The following TDRD9 variants were observed in gnomAD, a reference collection of about 807,000 sequenced individuals.
The protein encoded by TDRD9 is ATP-dependent RNA helicase TDRD9.
Under a neutral mutation model 172.6 loss-of-function variants are expected in TDRD9, and 124 were observed. The observed-to-expected ratio is 0.72, with a 90% CI of 0.62 to 0.83. The LOEUF is 0.83. Ranked by LOEUF, TDRD9 falls within the 40% of genes least tolerant of loss-of-function variation. The pLI is 0.00. For synonymous variants in TDRD9, 619 were observed against 617.1 expected (o/e 1.00, Z -0.05); for missense variants, 1,479 against 1,714.1 (o/e 0.86, Z 2.42).
chr14:104,033,611 A>T (rs1284273102), intron 30 of TDRD9, among the ~76,000 whole-genome samples: 1 of 152,134 alleles, frequency 6.6e-6, no homozygotes, highest in Admixed American at 6.5e-5. Flanking sequence ...CTCTGCCAGG[A>T]TGCAGGTGAT....
At chr14:104,040,449 C>T in intron 33 of TDRD9, 115 bp downstream of exon 33, 1 of 1,157,706 alleles carries the variant, frequency 8.6e-7, no homozygotes, top group Non-Finnish European at 1.1e-6. Context: ...CACCTCTGGT[C>T]CTGGAGATGT....
chr14:103,993,004 T>C (rs1010354194), intron 9 of TDRD9, among the ~76,000 whole-genome samples: 1 of 151,586 alleles, frequency 6.6e-6, no homozygotes. Flanking sequence ...AGGGTCTTGC[T>C]GTGTTCCCCA....
chr14:104,034,137 A>G (rs2035371659), intron 31 of TDRD9, 68 bp downstream of exon 31: 1 of 921,848 alleles, frequency 1.1e-6, no homozygotes, highest in Admixed American at 2.0e-5. Context: ...GCTACTAGGA[A>G]CAACTTATCC....
chr14:103,985,736 T>TA lies in TDRD9; in HGVS notation c.1012-480dup, dbSNP rs199993707. 1.9e-3 allele frequency among the ~76,000 whole-genome samples: 287 copies of TA among 152,354 alleles called. 1 individual carries two copies. Among genetic ancestry groups the TA allele is most frequent in the African/African-American group, 6.7e-3 (280 of 41,578 alleles). ...TATGTTATCACCACACATTGGTAGA[T>TA]ACGGATGTGACGTTACAGTTTTCTG... On this transcript the variant is annotated intron_variant, in intron 7 of 35. Coordinates refer to ENST00000409874, the MANE Select transcript of TDRD9 (RefSeq NM_153046.3).
intron 20 of TDRD9, among the ~76,000 whole-genome samples, chr14:104,008,871 A>G (rs1187200773): frequency 1.3e-5 from 2 of 152,214 alleles, no homozygotes. Flanking sequence ...CCGTGATCGC[A>G]CCAATATATT....
At position 103,994,613 on chromosome 14, in the gene TDRD9, C is replaced by G. The variant is rs774130611; in HGVS notation, c.1320+10C>G. 3 of 1,608,074 alleles carry G rather than the reference C, an allele frequency of 1.9e-6. No individual in the cohort carries two copies. Among genetic ancestry groups the G allele is most frequent in the Non-Finnish European group, 2.6e-6 (3 of 1,176,212 alleles). ...CCCTGGGTACAGAAAGGTAGGAAAA[C>G]TGGGAAGACAAGTTCTAAGCACTTT... On this transcript the variant is annotated intron_variant, in intron 11 of 35. Coordinates refer to ENST00000409874, the MANE Select transcript of TDRD9 (RefSeq NM_153046.3).
chr14:104,003,758 G>C (rs146441927), intron 13 of TDRD9, among the ~76,000 whole-genome samples: 10 of 152,156 alleles, frequency 6.6e-5, no homozygotes, highest in African/African-American at 2.4e-4. Context: ...CACGTAATGC[G>C]GTGTGGCTGA....
intron 9 of TDRD9, among the ~76,000 whole-genome samples, chr14:103,991,782 G>A (rs8020922): frequency 0.017 from 2,460 of 148,082 alleles, 70 homozygotes; most frequent in African/African-American, 0.058. Flanking sequence ...TTTGGAGACA[G>A]AGTCTCACTC....
At chr14:104,021,404 A>G (rs888470725) in intron 23 of TDRD9, among the ~76,000 whole-genome samples, 4 of 152,140 alleles carry the variant, frequency 2.6e-5, no homozygotes, top group East Asian at 1.9e-4. Flanking sequence ...TTGGCAATCA[A>G]TGGTTTTGGC....
chr14:103,947,836 CA>C (rs1211900980), intron 1 of TDRD9, among the ~76,000 whole-genome samples: 5 of 151,922 alleles, frequency 3.3e-5, no homozygotes, highest in African/African-American at 1.2e-4. Flanking sequence ...GATATGACAC[CA>C]AAGGCACAGG....
In TDRD9 at chr14:103,994,608, GA is replaced by G. The variant is rs1256311821; in HGVS notation, c.1320+9del. 1.2e-5 allele frequency: 20 copies of G among 1,609,538 alleles called. No homozygotes were observed. The highest frequency in any genetic ancestry group is 1.6e-5 in the Non-Finnish European group (19 of 1,177,196). ...CCAGTCCCTGGGTACAGAAAGGTAG[GA>G]AAACTGGGAAGACAAGTTCTAAGCA... On this transcript the variant is annotated splice_donor_region_variant and intron_variant, in intron 11 of 35. Transcript: ENST00000409874.
chr14:104,001,796 A>G (rs1318438973), intron 13 of TDRD9, among the ~76,000 whole-genome samples: 1 of 151,962 alleles, frequency 6.6e-6, no homozygotes. Context: ...TTTAGTAGAG[A>G]TGGGGTTTCA....
chr14:103,931,026 G>C (rs1039522412), intron 1 of TDRD9, among the ~76,000 whole-genome samples: 1 of 152,052 alleles, frequency 6.6e-6, no homozygotes, highest in African/African-American at 2.4e-5. Context: ...GGGTGTGGTG[G>C]CTCCCACCTG....
At chr14:103,932,370 A>T (rs916028833) in intron 1 of TDRD9, among the ~76,000 whole-genome samples, 1 of 152,136 alleles carries the variant, frequency 6.6e-6, no homozygotes, top group Non-Finnish European at 1.5e-5. Flanking sequence ...GTGAGAGAAC[A>T]TTTGACATAG....
At chr14:104,024,328 T>A (rs1380715384) in intron 24 of TDRD9, among the ~76,000 whole-genome samples, 4 of 152,194 alleles carry the variant, frequency 2.6e-5, no homozygotes, top group Non-Finnish European at 5.9e-5. Context: ...CACAATTATA[T>A]ACTACTTGGA....
At chr14:104,024,926 G>A (rs940641693) in intron 25 of TDRD9, among the ~76,000 whole-genome samples, 2 of 152,072 alleles carry the variant, frequency 1.3e-5, no homozygotes, top group Non-Finnish European at 2.9e-5. Context: ...AAAATATCAA[G>A]TACATTTAAA....
chr14:103,979,484 A>G (rs1022388872), intron 7 of TDRD9, among the ~76,000 whole-genome samples: 1 of 152,192 alleles, frequency 6.6e-6, no homozygotes, highest in African/African-American at 2.4e-5. Context: ...AGACTGGAAG[A>G]AGGTGGGTGT....
At chr14:103,975,576 T>C (rs1460969701) in intron 7 of TDRD9, 23 bp downstream of exon 7, 20 of 1,576,066 alleles carry the variant, frequency 1.3e-5, no homozygotes, top group Non-Finnish European at 1.6e-5. Context: ...GTGCTGTTTC[T>C]TTTATAGTGA....
rs1215564090 is a variant in TDRD9 at position 104,040,329 on chromosome 14, G to A, written c.3850G>A (p.Val1284Ile). Residue 1284 changes from valine (V) to isoleucine (I), a missense_variant, in exon 33 of 36, where the codon GTC (valine) becomes ATC (isoleucine). Val to Ile is a conservative substitution (Grantham distance 29). Transcript: ENST00000409874. ...CGTTCAATTCAGCGTGGAGGATGTCGTCGAGGTAAGGGTAGTGCAGCATCA... is the reference window on the plus strand; with the variant it reads ...CGTTCAATTCAGCGTGGAGGATGTCATCGAGGTAAGGGTAGTGCAGCATCA... Reference protein sequence around the residue: ...FDVQFSVEDVVEVNILRAAIN... With the variant: ...FDVQFSVEDVIEVNILRAAIN... 9.0e-6 allele frequency: 14 copies of A among 1,549,138 alleles called. No individual in the cohort carries two copies. The highest frequency in any genetic ancestry group is 2.7e-5 in the African/African-American group (2 of 72,930).
Sources: gnomAD v4.1 joint callset for allele counts (sites outside exome capture counted in the v4.1 genomes callset) on GRCh38, gnomAD v4.1.1 for gene constraint, MANE v1.5 for transcripts, NCBI Gene and HGNC (gene_info 2026-07-23, HGNC 2026-07-21) for gene names.